ALCAM: variants seen among roughly 807,000 people sequenced by gnomAD.
The protein encoded by ALCAM is CD166 antigen.
ALCAM carries 30 observed loss-of-function variants against 70.9 expected under a neutral mutation model. That is an observed-to-expected ratio of 0.42 (90% CI 0.32 to 0.57). The LOEUF is 0.57. Ranked by LOEUF, ALCAM falls within the 20% of genes least tolerant of loss-of-function variation. The probability of loss-of-function intolerance (pLI) is 0.11; values close to 1 mark genes in which losing one functional copy is unlikely to be tolerated. For synonymous variants in ALCAM, 249 were observed against 242.5 expected (o/e 1.03, Z -0.25); for missense variants, 591 against 695.1 (o/e 0.85, Z 1.68).
At chr3:105,512,722 A>T (rs1193370519) in intron 1 of ALCAM, among the ~76,000 whole-genome samples, 1 of 151,876 alleles carries the variant, frequency 6.6e-6, no homozygotes, top group African/African-American at 2.4e-5. Context: ...GAGAAAATGA[A>T]TCAGGGGAGA....
intron 1 of ALCAM, among the ~76,000 whole-genome samples, chr3:105,370,123 A>G (rs924382059): frequency 2.6e-5 from 4 of 152,214 alleles, no homozygotes; most frequent in Non-Finnish European, 4.4e-5. Context: ...GATTCATTCT[A>G]AGACATAAGC....
rs370507481 is a variant in ALCAM, at chr3:105,409,410, C to T, written c.73+41929C>T. Among the ~76,000 whole-genome samples, 22 of 152,082 alleles carry T rather than the reference C, an allele frequency of 1.4e-4. No homozygotes were observed. The East Asian group carries it at 2.3e-3, about 16-fold the overall frequency. Reference sequence around the variant, plus strand: ...AAGGAAATAATGATATTCACAGCAACCTGTATAGAATTGGAGACTATCATT... The same window carrying T: ...AAGGAAATAATGATATTCACAGCAATCTGTATAGAATTGGAGACTATCATT... On this transcript the variant is annotated intron_variant, in intron 1 of 15. Coordinates refer to ENST00000306107, the MANE Select transcript of ALCAM (RefSeq NM_001627.4).
In ALCAM at chr3:105,534,769, C is replaced by T. The variant is rs781446347; in HGVS notation, c.654C>T (p.Phe218=). Residue 218 remains phenylalanine, a synonymous_variant, in exon 6 of 16, where the codon TTC becomes TTT. Transcript: ENST00000306107. ...CCAAGGCTGACATACAAATGCCATT[C>T]ACCTGCTCGGTGACATATTATGGAC... ...KTTKADIQMP[F]TCSVTYYGPS... 6.2e-7 allele frequency: 1 copy of T among 1,613,826 alleles called. No individual in the cohort carries two copies. The highest frequency in any genetic ancestry group is 8.5e-7 in the Non-Finnish European group (1 of 1,179,806).
At chr3:105,454,653 A>ATTTTTTTTTTTTTTTTTTTTTTTTT (rs59389132) in intron 1 of ALCAM, among the ~76,000 whole-genome samples, 2 of 61,754 alleles carry the variant, frequency 3.2e-5, no homozygotes, top group Non-Finnish European at 5.5e-5. Flanking sequence ...ATGCTCATTA[A>ATTTTTTTTTTTTTTTTTTTTTTTTT]TTTTTTTTTT....
At chr3:105,445,813 T>C (rs1341809970) in intron 1 of ALCAM, among the ~76,000 whole-genome samples, 3 of 152,206 alleles carry the variant, frequency 2.0e-5, no homozygotes, top group Non-Finnish European at 4.4e-5. Context: ...TCTCTCACCA[T>C]GTACAAAATC....
chr3:105,518,507 G>A (rs1237160582), intron 1 of ALCAM, among the ~76,000 whole-genome samples: 1 of 152,012 alleles, frequency 6.6e-6, no homozygotes, highest in Non-Finnish European at 1.5e-5. Flanking sequence ...TTTCCTAAAT[G>A]TTATTAGTCT....
intron 1 of ALCAM, among the ~76,000 whole-genome samples, chr3:105,471,107 T>A (rs576690799): frequency 6.6e-6 from 1 of 151,434 alleles, no homozygotes; most frequent in Admixed American, 6.6e-5. Context: ...GGAAAGCCAT[T>A]TATTCTTATA....
chr3:105,498,912 G>A (rs1938842308), intron 1 of ALCAM, among the ~76,000 whole-genome samples: 1 of 152,128 alleles, frequency 6.6e-6, no homozygotes, highest in Non-Finnish European at 1.5e-5. Context: ...ATCACGAACT[G>A]CTAAAACAGT....
chr3:105,421,158 T>C (rs902005797), intron 1 of ALCAM, among the ~76,000 whole-genome samples: 1 of 151,556 alleles, frequency 6.6e-6, no homozygotes, highest in Non-Finnish European at 1.5e-5. Context: ...GTAAGAGTTG[T>C]TAATTTTTTT....
chr3:105,568,765 T>C (rs1940798428), intron 14 of ALCAM, among the ~76,000 whole-genome samples: 2 of 152,332 alleles, frequency 1.3e-5, no homozygotes, highest in East Asian at 1.9e-4. Context: ...AAAATTTTCT[T>C]TCAATTTCTA....
At chr3:105,533,050 T>C (rs1939878610) in intron 4 of ALCAM, among the ~76,000 whole-genome samples, 1 of 152,198 alleles carries the variant, frequency 6.6e-6, no homozygotes, top group South Asian at 2.1e-4. Flanking sequence ...ACCCAAGTCC[T>C]ACATTCTTTG....
At chr3:105,493,369 G>A (rs896727585) in intron 1 of ALCAM, among the ~76,000 whole-genome samples, 3 of 152,076 alleles carry the variant, frequency 2.0e-5, no homozygotes, top group African/African-American at 7.2e-5. Context: ...CTGGTAAGCA[G>A]AATAATGATC....
At chr3:105,539,252 A>G (rs1163981994) in intron 6 of ALCAM, among the ~76,000 whole-genome samples, 1 of 152,126 alleles carries the variant, frequency 6.6e-6, no homozygotes, top group East Asian at 1.9e-4. Context: ...CCTGTTTGCT[A>G]GATATGGTTC....
intron 1 of ALCAM, among the ~76,000 whole-genome samples, chr3:105,400,998 AG>A (rs1028830704): frequency 1.3e-4 from 20 of 152,348 alleles, no homozygotes; most frequent in African/African-American, 4.1e-4. Context: ...CTATTACTAA[AG>A]ACTCTTACTA....
At chr3:105,452,045 A>T (rs946208485) in intron 1 of ALCAM, among the ~76,000 whole-genome samples, 1 of 151,982 alleles carries the variant, frequency 6.6e-6, no homozygotes, top group Non-Finnish European at 1.5e-5. Context: ...ACAGTTTCTT[A>T]AGCAAGATTT....
At chr3:105,564,411 A>AAAC (rs1247864085) in intron 14 of ALCAM, among the ~76,000 whole-genome samples, 1 of 152,136 alleles carries the variant, frequency 6.6e-6, no homozygotes, top group Non-Finnish European at 1.5e-5. Flanking sequence ...AATTATGAGA[A>AAAC]AACTTTCTTT....
chr3:105,445,255 C>T (rs1269454887), intron 1 of ALCAM, among the ~76,000 whole-genome samples: 1 of 151,748 alleles, frequency 6.6e-6, no homozygotes, highest in East Asian at 1.9e-4. Context: ...TGAGTTTAAC[C>T]AAGGAGGTGA....
chr3:105,398,000 T>G (rs1935996070), intron 1 of ALCAM, among the ~76,000 whole-genome samples: 1 of 152,124 alleles, frequency 6.6e-6, no homozygotes, highest in African/African-American at 2.4e-5. Flanking sequence ...CCTATGAAGC[T>G]TTTGTTTTGG....
At chr3:105,472,703 G>A (rs575341148) in intron 1 of ALCAM, among the ~76,000 whole-genome samples, 121 of 151,506 alleles carry the variant, frequency 8.0e-4, no homozygotes, top group African/African-American at 2.9e-3. Context: ...TGAGATGTCT[G>A]AAAATCAAAA....
Sources: gnomAD v4.1 joint callset for allele counts (sites outside exome capture counted in the v4.1 genomes callset) on GRCh38, gnomAD v4.1.1 for gene constraint, MANE v1.5 for transcripts, NCBI Gene and HGNC (gene_info 2026-07-23, HGNC 2026-07-21) for gene names.